Variants in PCDH15 observed in about 807,000 individuals in gnomAD.
The protein encoded by PCDH15 is protocadherin related 15.
In PCDH15, 129 loss-of-function variants were observed where a neutral mutation model predicts 178.5. That is an observed-to-expected ratio of 0.72 (90% CI 0.63 to 0.84). PCDH15 has a LOEUF of 0.84. Among genes scored for constraint, PCDH15 ranks in the 40% least tolerant of loss-of-function variants. PCDH15 has a pLI of 0.00. For synonymous variants in PCDH15, 800 were observed against 732.0 expected (o/e 1.09, Z -1.50); for missense variants, 2,230 against 2,099.9 (o/e 1.06, Z -1.21).
intron 2 of PCDH15, among the ~76,000 whole-genome samples, chr10:55,507,085 C>T (rs1840774724): frequency 6.6e-6 from 1 of 151,076 alleles, no homozygotes; most frequent in South Asian, 2.1e-4. Flanking sequence ...TAAAATGTAA[C>T]AATAATTTTA....
intron 26 of PCDH15, among the ~76,000 whole-genome samples, chr10:53,893,838 G>A (rs2081757875): frequency 6.6e-6 from 1 of 152,106 alleles, no homozygotes; most frequent in Non-Finnish European, 1.5e-5. Context: ...TACACAATGG[G>A]TACAGTGTAT....
intron 2 of PCDH15, among the ~76,000 whole-genome samples, chr10:55,000,914 T>C (rs1273695596): frequency 2.6e-5 from 4 of 151,970 alleles, no homozygotes; most frequent in Non-Finnish European, 5.9e-5. Flanking sequence ...AATCTGATGG[T>C]GCTTTTTCCA....
In PCDH15 at chr10:54,292,260, A is replaced by C. The variant is rs192886275; in HGVS notation, c.876+25011T>G. On this transcript the variant is annotated intron_variant, in intron 8 of 37. Coordinates refer to ENST00000644397, the MANE Select transcript of PCDH15 (RefSeq NM_001384140.1). ...AATAGATGCAGAAAAGACCTTCAAC[A>C]AAATTCAATGGCCCTTCATGCTAAA... Among the ~76,000 whole-genome samples, 52 of 152,350 alleles carry C rather than the reference A, an allele frequency of 3.4e-4. No homozygotes were observed. In the East Asian group the frequency reaches 9.6e-3, roughly 28 times the overall value.
chr10:55,549,851 G>C (rs757547946), intron 2 of PCDH15, among the ~76,000 whole-genome samples: 1 of 152,058 alleles, frequency 6.6e-6, no homozygotes. Flanking sequence ...CAATTGGTAC[G>C]ACAAATAGAG....
At chr10:55,122,073 A>G (rs1447339717) in intron 2 of PCDH15, among the ~76,000 whole-genome samples, 2 of 152,194 alleles carry the variant, frequency 1.3e-5, no homozygotes, top group Non-Finnish European at 2.9e-5. Flanking sequence ...AAATTAAGGG[A>G]AAGGATAATC....
At chr10:54,999,672 C>T (rs1839748008) in intron 2 of PCDH15, among the ~76,000 whole-genome samples, 1 of 152,154 alleles carries the variant, frequency 6.6e-6, no homozygotes, top group Non-Finnish European at 1.5e-5. Context: ...GTTGGCAGGG[C>T]AGGACGCCAC....
At chr10:55,191,505 C>T (rs2132146435) in intron 1 of PCDH15, among the ~76,000 whole-genome samples, 1 of 151,898 alleles carries the variant, frequency 6.6e-6, no homozygotes, top group East Asian at 1.9e-4. Flanking sequence ...AGTGATATGA[C>T]TAAAGGTGCA....
chr10:54,272,893 C>T (rs2058129738), intron 8 of PCDH15, among the ~76,000 whole-genome samples: 1 of 152,002 alleles, frequency 6.6e-6, no homozygotes, highest in Non-Finnish European at 1.5e-5. Flanking sequence ...AAAAATATTT[C>T]TGAGAATATT....
intron 1 of PCDH15, among the ~76,000 whole-genome samples, chr10:54,720,321 G>A (rs1001687123): frequency 2.0e-5 from 3 of 151,940 alleles, no homozygotes; most frequent in African/African-American, 7.2e-5. Flanking sequence ...AGAATTCCTA[G>A]TAGATAAATT....
intron 2 of PCDH15, chr10:54,599,960 A>G: frequency 1.9e-6 from 2 of 1,046,308 alleles, no homozygotes; most frequent in Non-Finnish European, 2.9e-6. Flanking sequence ...ACCAAGGTGG[A>G]AAAGCCAGAA....
chr10:54,487,059 G>T (rs2079163233), intron 3 of PCDH15, among the ~76,000 whole-genome samples: 1 of 151,964 alleles, frequency 6.6e-6, no homozygotes, highest in African/African-American at 2.4e-5. Flanking sequence ...ATATATTTGG[G>T]AGGTTCTATA....
Position 54,478,916 on chromosome 10 carries a change from C to T in PCDH15, c.157+48896G>A, listed in dbSNP as rs2078484171. On this transcript the variant is annotated intron_variant, in intron 3 of 37. Coordinates refer to ENST00000644397, the MANE Select transcript of PCDH15 (RefSeq NM_001384140.1). ...CAAAATAGAAATAACAGATGCAATA[C>T]AAATGTAGAGTTATTATGTGTGTCA... Among the ~76,000 whole-genome samples, 3 of 148,232 alleles carry T rather than the reference C, an allele frequency of 2.0e-5. No individual in the cohort carries two copies. In the South Asian group the frequency reaches 6.3e-4, roughly 31 times the overall value.
intron 2 of PCDH15, among the ~76,000 whole-genome samples, chr10:54,987,437 C>A (rs535278417): frequency 6.6e-5 from 10 of 152,290 alleles, no homozygotes; most frequent in African/African-American, 2.4e-4. Context: ...TGAGGAATCA[C>A]CACACTGCCT....
intron 2 of PCDH15, among the ~76,000 whole-genome samples, chr10:54,968,287 G>T (rs1268012223): frequency 6.6e-6 from 1 of 151,998 alleles, no homozygotes; most frequent in Non-Finnish European, 1.5e-5. Flanking sequence ...GCAAAATTTG[G>T]CTTTGTCATT....
At chr10:55,058,027 C>T (rs886183663) in intron 2 of PCDH15, among the ~76,000 whole-genome samples, 1 of 151,752 alleles carries the variant, frequency 6.6e-6, no homozygotes, top group East Asian at 1.9e-4. Flanking sequence ...TCTTTTTAAT[C>T]GTTTGCATTC....
chr10:55,246,746 T>C (rs1403340024), intron 1 of PCDH15, among the ~76,000 whole-genome samples: 1 of 152,148 alleles, frequency 6.6e-6, no homozygotes, highest in Non-Finnish European at 1.5e-5. Context: ...CAGATGAACT[T>C]AGTGGAGAGG....
intron 15 of PCDH15, among the ~76,000 whole-genome samples, chr10:54,126,749 T>C (rs1378576889): frequency 1.3e-5 from 2 of 152,096 alleles, no homozygotes; most frequent in African/African-American, 4.8e-5. Context: ...CAAAGGTCAG[T>C]ACATCTGACC....
At chr10:55,038,847 AC>A (rs1193175885) in intron 2 of PCDH15, among the ~76,000 whole-genome samples, 1 of 152,194 alleles carries the variant, frequency 6.6e-6, no homozygotes, top group Non-Finnish European at 1.5e-5. Flanking sequence ...ATTGACCTAA[AC>A]AAGAGAATTC....
chr10:54,703,828 G>A (rs2095338763), intron 1 of PCDH15, among the ~76,000 whole-genome samples: 1 of 151,996 alleles, frequency 6.6e-6, no homozygotes, highest in Non-Finnish European at 1.5e-5. Context: ...CAAAGCTGGA[G>A]GCATCACATT....
Sources: gnomAD v4.1 joint callset for allele counts (sites outside exome capture counted in the v4.1 genomes callset) on GRCh38, gnomAD v4.1.1 for gene constraint, MANE v1.5 for transcripts, NCBI Gene and HGNC (gene_info 2026-07-23, HGNC 2026-07-21) for gene names.